Variants in MUC7 observed in about 807,000 individuals in gnomAD.
MUC7 encodes mucin 7, secreted, also known as mucin-7.
MUC7 carries 2 observed loss-of-function variants against 2.5 expected under a neutral mutation model. The observed-to-expected ratio is 0.81, with a 90% CI of 0.33 to 2.55. MUC7 has a LOEUF of 2.55. Ranked by LOEUF, MUC7 falls within the 30% of genes most tolerant of loss-of-function variation. MUC7 has a pLI of 0.11. For missense variants in MUC7, 408 were observed against 455.6 expected, an observed-to-expected ratio of 0.90 and a Z score of 0.95; for synonymous variants, 133 against 173.4, an observed-to-expected ratio of 0.77 and a Z score of 1.83.
In MUC7 at chr4:70,443,506, A is replaced by G. The variant is rs531150108; in HGVS notation, c.-93+12819A>G. On this transcript the variant is annotated intron_variant, in intron 1 of 3. Coordinates refer to the MUC7 transcript ENST00000413702. ...AATCTCAATCCAGTACCAACAAGCA[A>G]CAAAACCCATATCAACCTAAACCTG... 1.8e-3 allele frequency among the ~76,000 whole-genome samples: 269 copies of G among 152,294 alleles called. 2 individuals are homozygous for G. The highest frequency in any genetic ancestry group is 5.5e-3 in the African/African-American group (228 of 41,558).
intron 1 of MUC7, among the ~76,000 whole-genome samples, chr4:70,448,107 C>T (rs1247762338): frequency 6.6e-6 from 1 of 152,172 alleles, no homozygotes; most frequent in East Asian, 1.9e-4. Flanking sequence ...CATATTGTTA[C>T]AAATGACAGG....
At chr4:70,450,715 G>A (rs532808124) in intron 1 of MUC7, among the ~76,000 whole-genome samples, 2 of 152,238 alleles carry the variant, frequency 1.3e-5, no homozygotes, top group African/African-American at 2.4e-5. Context: ...GTTCCCTTCT[G>A]GCCCAGAGTG....
intron 1 of MUC7, among the ~76,000 whole-genome samples, chr4:70,436,619 G>C (rs1484577343): frequency 6.6e-6 from 1 of 152,076 alleles, no homozygotes. Context: ...AATGTTTTTA[G>C]CTTCCTTGCA....
intron 1 of MUC7, among the ~76,000 whole-genome samples, chr4:70,436,611 T>C (rs1277425359): frequency 6.6e-6 from 1 of 152,206 alleles, no homozygotes; most frequent in African/African-American, 2.4e-5. Flanking sequence ...CTTTTTTCAA[T>C]GTTTTTAGCT....
chr4:70,455,991 T>C (rs543218520), intron 1 of MUC7, among the ~76,000 whole-genome samples: 1 of 152,158 alleles, frequency 6.6e-6, no homozygotes, highest in Non-Finnish European at 1.5e-5. Flanking sequence ...CTAATTTCCA[T>C]GTGAGACCTC....
At chr4:70,450,537 A>G (rs1734254796) in intron 1 of MUC7, among the ~76,000 whole-genome samples, 1 of 152,126 alleles carries the variant, frequency 6.6e-6, no homozygotes, top group Non-Finnish European at 1.5e-5. Flanking sequence ...TAGCCACCAC[A>G]GCAGATAATG....
chr4:70,464,902 G>T (rs1230649657), intron 1 of MUC7, among the ~76,000 whole-genome samples: 6 of 152,208 alleles, frequency 3.9e-5, no homozygotes, highest in Non-Finnish European at 8.8e-5. Context: ...GCTCTGCTAA[G>T]GGACAGACTG....
At chr4:70,463,736 G>A (rs1734613257) in intron 1 of MUC7, among the ~76,000 whole-genome samples, 1 of 152,098 alleles carries the variant, frequency 6.6e-6, no homozygotes, top group Non-Finnish European at 1.5e-5. Flanking sequence ...AACCCCAAGT[G>A]GCTTTAACAC....
chr4:70,478,950 A>T (rs1001254855), intron 2 of MUC7, among the ~76,000 whole-genome samples: 1 of 152,204 alleles, frequency 6.6e-6, no homozygotes, highest in African/African-American at 2.4e-5. Flanking sequence ...TATGTTAGCT[A>T]TTGGTTGTTC....
chr4:70,441,724 G>A (rs532936203), intron 1 of MUC7, among the ~76,000 whole-genome samples: 93 of 152,278 alleles, frequency 6.1e-4, no homozygotes, highest in African/African-American at 1.7e-3. Flanking sequence ...AAAATTCACC[G>A]TAAGGCTGCA....
At chr4:70,475,821 T>TAG (rs752611310) in intron 2 of MUC7, among the ~76,000 whole-genome samples, 2 of 151,636 alleles carry the variant, frequency 1.3e-5, no homozygotes, top group Non-Finnish European at 2.9e-5. Context: ...GCCAGTAGAG[T>TAG]AGAGAGAGAG....
chr4:70,433,970 C>T (rs1338096482), intron 1 of MUC7, among the ~76,000 whole-genome samples: 1 of 152,128 alleles, frequency 6.6e-6, no homozygotes, highest in African/African-American at 2.4e-5. Flanking sequence ...TTTTCTGCAT[C>T]TATTGAGATA....
intron 1 of MUC7, among the ~76,000 whole-genome samples, chr4:70,454,685 GGTGTTCCTGTT>G (rs1245566490): frequency 6.6e-6 from 1 of 151,444 alleles, no homozygotes; most frequent in Non-Finnish European, 1.5e-5. Flanking sequence ...GGTCGAATTT[GGTGTTCCTGTT>G]GTGGGGGACT....
intron 1 of MUC7, chr4:70,430,786 G>T (rs775412434): frequency 6.6e-6 from 1 of 152,026 alleles, no homozygotes; most frequent in Non-Finnish European, 1.5e-5. Flanking sequence ...AAAATCCACT[G>T]GTAGAACAGC....
At chr4:70,468,242 T>G (rs1223256358), upstream of MUC7, among the ~76,000 whole-genome samples, 1 of 152,174 alleles carries the variant, frequency 6.6e-6, no homozygotes, top group Non-Finnish European at 1.5e-5. Context: ...AACTAGGTAT[T>G]GATGGAACGT....
intron 1 of MUC7, among the ~76,000 whole-genome samples, chr4:70,462,532 TTAGA>T (rs1056642152): frequency 6.6e-6 from 1 of 152,190 alleles, no homozygotes; most frequent in Non-Finnish European, 1.5e-5. Context: ...GGAAAAGGAC[TTAGA>T]TACATTTAAG....
chr4:70,479,161 T>A (rs1260671826), intron 2 of MUC7, among the ~76,000 whole-genome samples: 4 of 152,346 alleles, frequency 2.6e-5, no homozygotes, highest in Middle Eastern at 3.4e-3. Flanking sequence ...TCACTTAATA[T>A]GCCTGGATCT....
intron 1 of MUC7, among the ~76,000 whole-genome samples, chr4:70,465,736 T>C (rs1249881073): frequency 6.6e-6 from 1 of 151,954 alleles, no homozygotes; most frequent in East Asian, 1.9e-4. Flanking sequence ...CTCCAAGAAA[T>C]ATGGGACTAT....
At position 70,435,551 on chromosome 4, in the gene MUC7, C is replaced by T. The variant is rs116390577; in HGVS notation, c.-93+4864C>T. Reference sequence around the variant, plus strand: ...CCTGCTTTTTCTTGCTTTCCATTTCCTTGGTAGATCTTCCTCCAACTCTGT... The same window carrying T: ...CCTGCTTTTTCTTGCTTTCCATTTCTTTGGTAGATCTTCCTCCAACTCTGT... On this transcript the variant is annotated intron_variant, in intron 1 of 3. Coordinates refer to the MUC7 transcript ENST00000413702. 4.5e-3 allele frequency among the ~76,000 whole-genome samples: 687 copies of T among 152,212 alleles called. 6 individuals are homozygous for T. The highest frequency in any genetic ancestry group is 0.016 in the African/African-American group (663 of 41,530).
Sources: gnomAD v4.1 joint callset for allele counts (sites outside exome capture counted in the v4.1 genomes callset) on GRCh38, gnomAD v4.1.1 for gene constraint, MANE v1.5 for transcripts, NCBI Gene and HGNC (gene_info 2026-07-23, HGNC 2026-07-21) for gene names.